The following NF2 variants were observed in gnomAD, a reference collection of about 807,000 sequenced individuals.
NF2 encodes NF2, moesin-ezrin-radixin like (MERLIN) tumor suppressor.
Under a neutral mutation model 83.7 loss-of-function variants are expected in NF2, and 8 were observed. The ratio of observed to expected loss-of-function variants is 0.10; its 90% CI spans 0.06 to 0.17. The LOEUF (loss-of-function observed/expected upper bound fraction) is 0.17, where lower values mean the gene tolerates loss of function less well. NF2 is among the 10% of genes least tolerant of loss of function. NF2 has a pLI of 1.00. For synonymous variants in NF2, 266 were observed against 269.6 expected (o/e 0.99, Z 0.13); for missense variants, 533 against 744.4 (o/e 0.72, Z 3.31).
intron 1 of NF2, among the ~76,000 whole-genome samples, chr22:29,620,638 C>T (rs757391127): frequency 5.3e-5 from 8 of 151,508 alleles, no homozygotes; most frequent in Non-Finnish European, 1.2e-4. Flanking sequence ...ACTTGGGAGG[C>T]TGAGGCAGGA....
intron 9 of NF2, among the ~76,000 whole-genome samples, chr22:29,666,955 A>G (rs1192832492): frequency 2.0e-5 from 3 of 152,270 alleles, no homozygotes; most frequent in African/African-American, 7.2e-5. Flanking sequence ...CAGCCTGGGC[A>G]ACAAGAGTAA....
chr22:29,688,756 T>C (rs2067327539), intron 15 of NF2, among the ~76,000 whole-genome samples: 1 of 152,180 alleles, frequency 6.6e-6, no homozygotes, highest in South Asian at 2.1e-4. Context: ...AATAACAAAT[T>C]GGATTTGTTC....
intron 4 of NF2, among the ~76,000 whole-genome samples, chr22:29,643,292 A>ATTTTTTTT (rs1194773468): frequency 7.3e-6 from 1 of 137,848 alleles, no homozygotes. Flanking sequence ...TACTTGTGTG[A>ATTTTTTTT]TTTTTTTTTT....
chr22:29,620,667 G>T (rs994706038), intron 1 of NF2, among the ~76,000 whole-genome samples: 1 of 151,946 alleles, frequency 6.6e-6, no homozygotes, highest in African/African-American at 2.4e-5. Flanking sequence ...TGAGGTGGAG[G>T]TTGCCTGAGA....
At chr22:29,670,498 T>G (rs2066750331) in intron 10 of NF2, among the ~76,000 whole-genome samples, 2 of 127,388 alleles carry the variant, frequency 1.6e-5, no homozygotes, top group Non-Finnish European at 3.3e-5. Flanking sequence ...ATTATCTTTT[T>G]GAGCTTGTGT....
At chr22:29,678,127 T>C in intron 13 of NF2, 69 bp from the exon 14 acceptor site, 1 of 1,607,512 alleles carries the variant, frequency 6.2e-7, no homozygotes, top group Non-Finnish European at 8.5e-7. Context: ...GAGGATCGGT[T>C]GTCAACACAG....
rs74315503 is a variant in NF2, at chr22:29,674,882, G to A, written c.1387G>A (p.Glu463Lys). 9.1e-5 allele frequency: 143 copies of A among 1,573,208 alleles called. No individual in the cohort carries two copies. In the African/African-American group the frequency reaches 1.3e-3, roughly 15 times the overall value. ...QLKQDLQEAR[E>K]AERRAKQKLL... ...GAAGCAGGACCTGCAGGAAGCACGC[G>A]AGGCGGAGCGAAGAGCCAAGCAGAA... The change falls in exon 13 of 16, where the codon GAG becomes AAG. Residue 463 changes from glutamate to lysine, a missense_variant. Physicochemically the swap from Glu to Lys is moderately conservative, Grantham distance 56 (BLOSUM62 1). Coordinates refer to ENST00000338641, the MANE Select transcript of NF2 (RefSeq NM_000268.4).
chr22:29,613,221 C>A (rs2064998748), intron 1 of NF2, among the ~76,000 whole-genome samples: 1 of 151,904 alleles, frequency 6.6e-6, no homozygotes, highest in African/African-American at 2.4e-5. Context: ...TCAAGACATA[C>A]TATAAAACAA....
At chr22:29,660,813 C>A (rs1309002032) in intron 7 of NF2, among the ~76,000 whole-genome samples, 3 of 152,208 alleles carry the variant, frequency 2.0e-5, no homozygotes, top group Non-Finnish European at 4.4e-5. Context: ...GTGAACCGCC[C>A]GCCTCGGCCT....
At position 29,698,062 on chromosome 22, in the gene NF2, T is replaced by A. The variant is rs1569323209; in HGVS notation, c.*3260T>A. On this transcript the variant is annotated 3_prime_UTR_variant, in exon 16 of 16. Coordinates refer to ENST00000338641, the MANE Select transcript of NF2 (RefSeq NM_000268.4). The stretch of plus-strand genomic sequence containing the variant: ...CTCATGATGTCCGTGAGGCTGTCCT[T>A]TTGGCCAGTAGCCGTGTGCAGCTGT... 1 of 228,900 alleles carries A rather than the reference T, an allele frequency of 4.4e-6. No individual in the cohort carries two copies. The allele number at this position is 228,900 out of a possible 1,614,324, so 14.2% of individuals were successfully genotyped here. A position where few individuals can be genotyped will look rare whatever the true frequency, so the allele number is the denominator to read the frequency against.
In NF2 at chr22:29,653,373, G is replaced by A. The variant is rs1004050616; in HGVS notation, c.448-1284G>A. On this transcript the variant is annotated intron_variant, in intron 4 of 15. Transcript: ENST00000338641. ...GCAGGAGAATTGCTTGAACCTGGGAGGTGGAGGTTGCGGTGAGCTGAGATC... is the reference window on the plus strand; with the variant it reads ...GCAGGAGAATTGCTTGAACCTGGGAAGTGGAGGTTGCGGTGAGCTGAGATC... Among the ~76,000 whole-genome samples, 4 of 151,082 alleles carry A rather than the reference G, an allele frequency of 2.6e-5. No individual in the cohort carries two copies. The South Asian group carries it at 8.4e-4, about 32-fold the overall frequency.
Position 29,639,738 on chromosome 22 carries a change from C to T in NF2, c.363+526C>T, listed in dbSNP as rs6006214. On this transcript the variant is annotated intron_variant, in intron 3 of 15. Transcript: ENST00000338641. ...CTCTACTAAATATACAAAAATTAGC[C>T]GGGTGTGGTGGCAGGTGCCTGTAGT... Among the ~76,000 whole-genome samples the T allele has an allele frequency of 9.6e-3, 1,450 of 150,980 alleles. 23 individuals carry two copies. The highest frequency in any genetic ancestry group is 0.033 in the African/African-American group (1,358 of 41,074).
Position 29,613,327 on chromosome 22 carries a change from C to T in NF2, c.114+9215C>T, listed in dbSNP as rs183269492. On this transcript the variant is annotated intron_variant, in intron 1 of 15. Transcript: ENST00000338641. The stretch of plus-strand genomic sequence containing the variant: ...GGCAGATCACTTGAGGACAGGAGTT[C>T]GAGACCAGCCTGGGCAACATGGCGA... Among the ~76,000 whole-genome samples, 313 of 152,156 alleles carry T rather than the reference C, an allele frequency of 2.1e-3. 2 individuals carry two copies. The highest frequency in any genetic ancestry group is 3.4e-3 in the Non-Finnish European group (231 of 68,018).
At chr22:29,610,703 G>C (rs999299727) in intron 1 of NF2, among the ~76,000 whole-genome samples, 9 of 150,522 alleles carry the variant, frequency 6.0e-5, no homozygotes, top group Non-Finnish European at 1.2e-4. Context: ...ACCTACTAGA[G>C]GTCCTGATAA....
intron 11 of NF2, 139 bp downstream of exon 11, chr22:29,672,087 T>A (rs2066811241): frequency 7.7e-7 from 1 of 1,294,698 alleles, no homozygotes; most frequent in African/African-American, 1.5e-5. Context: ...AATCAGTGCC[T>A]TTTCTTTTCA....
At chr22:29,610,643 C>CA (rs547702227) in intron 1 of NF2, among the ~76,000 whole-genome samples, 297 of 95,408 alleles carry the variant, frequency 3.1e-3, no homozygotes, top group Middle Eastern at 7.9e-3. Context: ...GACTCCATCT[C>CA]AAAAAAAAAA....
intron 1 of NF2, among the ~76,000 whole-genome samples, chr22:29,619,471 AC>A (rs2065159282): frequency 6.6e-6 from 1 of 151,932 alleles, no homozygotes; most frequent in Non-Finnish European, 1.5e-5. Flanking sequence ...ATCTCAGCTC[AC>A]TTCAACCTCT....
At chr22:29,623,094 GCACATGC>G (rs922911262) in intron 1 of NF2, among the ~76,000 whole-genome samples, 14 of 151,706 alleles carry the variant, frequency 9.2e-5, no homozygotes, top group African/African-American at 3.4e-4. Context: ...GGGACTACAG[GCACATGC>G]CACCAATACC....
At chr22:29,633,116 G>A (rs567679152) in intron 1 of NF2, among the ~76,000 whole-genome samples, 1 of 152,334 alleles carries the variant, frequency 6.6e-6, no homozygotes, top group South Asian at 2.1e-4. Context: ...GGAACCTGAT[G>A]TAGGTAGCAA....
Sources: allele counts gnomAD v4.1 joint callset (sites outside exome capture counted in the v4.1 genomes callset), GRCh38; gene constraint gnomAD v4.1.1; transcripts MANE v1.5; gene names NCBI Gene and HGNC (gene_info 2026-07-23, HGNC 2026-07-21).